ACSL4: variants seen among roughly 807,000 people sequenced by gnomAD.
ACSL4 encodes acyl-CoA synthetase long chain family member 4.
ACSL4 carries 9 observed loss-of-function variants against 49.1 expected under a neutral mutation model. The ratio of observed to expected loss-of-function variants is 0.18; its 90% CI spans 0.11 to 0.32. ACSL4 has a LOEUF of 0.32. Ranked by LOEUF, ACSL4 falls within the 10% of genes least tolerant of loss-of-function variation. ACSL4 has a pLI of 1.00. For missense variants in ACSL4, 333 were observed against 493.7 expected, an observed-to-expected ratio of 0.67 and a Z score of 3.08; for synonymous variants, 191 against 170.3, an observed-to-expected ratio of 1.12 and a Z score of -0.95.
chrX:109,701,936 G>T (rs1202509663), intron 1 of ACSL4, among the ~76,000 whole-genome samples: 1 of 102,311 alleles, frequency 9.8e-6, no homozygotes, highest in Non-Finnish European at 2.0e-5. Context: ...TGGGCCAGGC[G>T]TGGTGGCTCA....
chrX:109,648,201 G>A (rs1934822762), intron 15 of ACSL4, among the ~76,000 whole-genome samples: 1 of 111,254 alleles, frequency 9.0e-6, no homozygotes, highest in Admixed American at 9.5e-5. Flanking sequence ...TGATACCAAA[G>A]CCTGGCAGAG....
chrX:109,644,069 T>C lies in ACSL4; in HGVS notation c.1973A>G (p.His658Arg), dbSNP rs987531901. The C allele has an allele frequency of 8.3e-7, 1 of 1,211,326 alleles. No individual in the cohort carries two copies. Among genetic ancestry groups the C allele is most frequent in the East Asian group, 3.0e-5 (1 of 33,832 alleles). ...FKLKRKELRN[H>R]YLKDIERMYG... ...CATTCGTTCAATGTCTTTGAGGTAA[T>C]GGTTCCTCAGCTCCTTCCTTTTCAG... Residue 658 changes from histidine (H) to arginine (R), a missense_variant, in exon 16 of 16, where the codon CAT becomes CGT. His to Arg is a conservative substitution (Grantham distance 29). This residue lies in a region of ACSL4 where 175 missense variants were observed against 275.8 expected (regional missense o/e 0.63). Coordinates refer to ENST00000672401, the MANE Select transcript of ACSL4 (RefSeq NM_001318510.2).
chrX:109,647,954 C>T lies in ACSL4; in HGVS notation c.1856-3768G>A, dbSNP rs1414068753. Among the ~76,000 whole-genome samples, 16 of 111,405 alleles carry T rather than the reference C, an allele frequency of 1.4e-4. 1 individual carries two copies. The highest frequency in any genetic ancestry group is 1.3e-3 in the Admixed American group (14 of 10,554). ...ATGGATAAATTCCTGGACACATACACCCTCCCAAGACTAAACCAGGAAGAA... is the reference window on the plus strand; with the variant it reads ...ATGGATAAATTCCTGGACACATACATCCTCCCAAGACTAAACCAGGAAGAA... On this transcript the variant is annotated intron_variant, in intron 15 of 15. Transcript: ENST00000672401.
chrX:109,694,332 C>T (rs184370137), intron 2 of ACSL4, among the ~76,000 whole-genome samples: 1 of 112,052 alleles, frequency 8.9e-6, no homozygotes, highest in African/African-American at 3.2e-5. Flanking sequence ...TTCAGAAGAC[C>T]AGAAGTTCTA....
chrX:109,650,275 C>G (rs1427011596), intron 15 of ACSL4, among the ~76,000 whole-genome samples: 4 of 110,448 alleles, frequency 3.6e-5, no homozygotes, highest in African/African-American at 9.9e-5. Context: ...TTGGAACCAA[C>G]CCAAATGTCC....
At chrX:109,657,352 T>G (rs1312392969) in intron 15 of ACSL4, among the ~76,000 whole-genome samples, 1 of 110,614 alleles carries the variant, frequency 9.0e-6, no homozygotes, top group African/African-American at 3.3e-5. Flanking sequence ...TATCTCCTAA[T>G]GCTATCCCTC....
At position 109,693,059 on chromosome X, in the gene ACSL4, T is replaced by TA. The variant is rs772330809; in HGVS notation, c.-13+3084_-13+3085insT. 4.5e-3 allele frequency among the ~76,000 whole-genome samples: 501 copies of TA among 111,492 alleles called. 2 individuals carry two copies. The highest frequency in any genetic ancestry group is 0.014 in the African/African-American group (433 of 30,744). ...ACAGGGAGAATTTTACAACTATGCC[T>TA]TTTTTTGCCACATGATCTGCCCTCC... On this transcript the variant is annotated intron_variant, in intron 2 of 15. Coordinates refer to ENST00000672401, the MANE Select transcript of ACSL4 (RefSeq NM_001318510.2).
chrX:109,712,749 C>T (rs1422891879), intron 1 of ACSL4, among the ~76,000 whole-genome samples: 3 of 111,365 alleles, frequency 2.7e-5, no homozygotes, highest in South Asian at 3.7e-4. Flanking sequence ...TTGAGGTGGG[C>T]GGATCATGTG....
Position 109,642,151 on chromosome X carries a change from T to A in ACSL4, c.*1878A>T, listed in dbSNP as rs1934462826. 1 of 110,356 alleles carries A rather than the reference T, an allele frequency of 9.1e-6. No homozygotes were observed. Among genetic ancestry groups the A allele is most frequent in the Admixed American group, 9.8e-5 (1 of 10,186 alleles). The allele number at this position is 110,356 out of a possible 1,213,427, so 9.1% of individuals were successfully genotyped here. The stretch of plus-strand genomic sequence containing the variant: ...TTGGGAGTTGGGGGCAGATTGGGGG[T>A]GCAAATATCTGAGATAAGATAGTAC... On this transcript the variant is annotated 3_prime_UTR_variant, in exon 16 of 16. Coordinates refer to ENST00000672401, the MANE Select transcript of ACSL4 (RefSeq NM_001318510.2).
intron 9 of ACSL4, among the ~76,000 whole-genome samples, chrX:109,673,445 A>G (rs956517644): frequency 2.7e-4 from 30 of 112,547 alleles, no homozygotes; most frequent in African/African-American, 9.7e-4. Context: ...GAAGCACTGC[A>G]CTAGCTATTA....
intron 9 of ACSL4, among the ~76,000 whole-genome samples, chrX:109,670,605 CCCTCTCCCT>C (rs757207608): frequency 4.3e-4 from 46 of 106,883 alleles, no homozygotes; most frequent in East Asian, 3.0e-4. Context: ...AAAAAGCTCT[CCCTCTCCCT>C]CCTCTCCCTC....
Position 109,706,418 on chromosome X carries a change from T to A in ACSL4, c.-65-10222A>T, listed in dbSNP as rs770436375. Among the ~76,000 whole-genome samples, 3 of 112,454 alleles carry A rather than the reference T, an allele frequency of 2.7e-5. No homozygotes were observed. The Admixed American group carries it at 2.8e-4, about 11-fold the overall frequency. ...GAAAAAACAACAAGAATGCACACCA[T>A]TCCTTTTCCTTCAGTTACCTAGAAT... On this transcript the variant is annotated intron_variant, in intron 1 of 15. Coordinates refer to ENST00000672401, the MANE Select transcript of ACSL4 (RefSeq NM_001318510.2).
At chrX:109,650,248 T>C (rs1286382239) in intron 15 of ACSL4, among the ~76,000 whole-genome samples, 1 of 110,971 alleles carries the variant, frequency 9.0e-6, no homozygotes, top group Non-Finnish European at 1.9e-5. Context: ...TGCGGCATTA[T>C]TCACAATAGC....
intron 9 of ACSL4, among the ~76,000 whole-genome samples, chrX:109,669,775 TACAA>T (rs1923022450): frequency 8.9e-6 from 1 of 112,728 alleles, no homozygotes; most frequent in African/African-American, 3.2e-5. Context: ...TAATCTCTGT[TACAA>T]TATATTCACT....
At chrX:109,710,814 G>T (rs758059549) in intron 1 of ACSL4, among the ~76,000 whole-genome samples, 1 of 111,850 alleles carries the variant, frequency 8.9e-6, no homozygotes, top group Non-Finnish European at 1.9e-5. Context: ...GGGCTCAGGG[G>T]ATCCTCCTGC....
At chrX:109,684,761 T>G (rs1458827711) in intron 2 of ACSL4, among the ~76,000 whole-genome samples, 2 of 111,416 alleles carry the variant, frequency 1.8e-5, no homozygotes, top group Non-Finnish European at 1.9e-5. Flanking sequence ...GACCTTATGT[T>G]GGGCATCTAG....
chrX:109,688,342 A>T (rs747993133), intron 2 of ACSL4, among the ~76,000 whole-genome samples: 3 of 111,694 alleles, frequency 2.7e-5, no homozygotes, highest in African/African-American at 9.7e-5. Flanking sequence ...CTTTATAAGG[A>T]CACGGAAGTG....
Position 109,669,754 on chromosome X carries a change from G to GA in ACSL4, c.1003-582dup, listed in dbSNP as rs199579668. Among the ~76,000 whole-genome samples the GA allele has an allele frequency of 1.7e-4, 19 of 110,809 alleles. No individual in the cohort carries two copies. In the East Asian group the frequency reaches 3.6e-3, roughly 21 times the overall value. The stretch of plus-strand genomic sequence containing the variant: ...TTAGAGAATTCACTCAGCTGTCGCA[G>GA]AAAAAAAAATTAATCTCTGTTACAA... On this transcript the variant is annotated intron_variant, in intron 9 of 15. Transcript: ENST00000672401.
chrX:109,731,552 T>C (rs756651839), intron 1 of ACSL4, among the ~76,000 whole-genome samples: 14 of 106,463 alleles, frequency 1.3e-4, no homozygotes, highest in South Asian at 4.1e-4. Context: ...TCTAAATCAC[T>C]TGTGTTTTTA....
Sources: gnomAD v4.1 joint callset for allele counts (sites outside exome capture counted in the v4.1 genomes callset) on GRCh38, gnomAD v4.1.1 for gene constraint, gnomAD v4.1.1 regional missense constraint, MANE v1.5 for transcripts, NCBI Gene and HGNC (gene_info 2026-07-23, HGNC 2026-07-21) for gene names.